The following MTMR2 variants were observed in gnomAD, a reference collection of about 807,000 sequenced individuals.
The protein encoded by MTMR2 is myotubularin related protein 2, also known as phosphatidylinositol-3,5-bisphosphate 3-phosphatase MTMR2.
A neutral mutation model predicts 86.9 loss-of-function variants in MTMR2; 55 were observed. That is an observed-to-expected ratio of 0.63 (90% CI 0.51 to 0.79). The LOEUF (loss-of-function observed/expected upper bound fraction) is 0.79, where lower values mean the gene tolerates loss of function less well. MTMR2 is among the 30% of genes least tolerant of loss of function. MTMR2 has a pLI of 0.00. For synonymous variants in MTMR2, 241 were observed against 266.8 expected (o/e 0.90, Z 0.94); for missense variants, 659 against 772.3 (o/e 0.85, Z 1.74).
intron 7 of MTMR2, among the ~76,000 whole-genome samples, chr11:95,854,050 G>A (rs1864120762): frequency 6.6e-6 from 1 of 152,130 alleles, no homozygotes; most frequent in Non-Finnish European, 1.5e-5. Flanking sequence ...CACGTAAGTA[G>A]CAGGGTGGGG....
intron 10 of MTMR2, among the ~76,000 whole-genome samples, chr11:95,846,146 A>C (rs1863781936): frequency 6.6e-6 from 1 of 152,208 alleles, no homozygotes; most frequent in African/African-American, 2.4e-5. Context: ...CAATGATCCT[A>C]ATTCAGTATC....
intron 7 of MTMR2, 47 bp from the exon 8 acceptor site, chr11:95,850,796 AT>A (rs1219471768): frequency 3.2e-6 from 5 of 1,550,920 alleles, no homozygotes; most frequent in Non-Finnish European, 4.4e-6. Context: ...TAACTAAAAT[AT>A]TAAACGACAC....
intron 2 of MTMR2, among the ~76,000 whole-genome samples, chr11:95,875,764 A>G (rs910787906): frequency 1.3e-5 from 2 of 152,148 alleles, no homozygotes; most frequent in Non-Finnish European, 2.9e-5. Flanking sequence ...ATGGTGACAT[A>G]CAGATGGGGT....
chr11:95,916,654 T>TA (rs11404022), intron 1 of MTMR2, among the ~76,000 whole-genome samples: 26,664 of 145,060 alleles, frequency 0.18, 3,160 homozygotes, highest in African/African-American at 0.34. Context: ...AAGTAGAACT[T>TA]AAAAAAAAAA....
At chr11:95,854,803 A>T (rs1051271026) in intron 7 of MTMR2, among the ~76,000 whole-genome samples, 2 of 148,858 alleles carry the variant, frequency 1.3e-5, no homozygotes, top group Admixed American at 1.3e-4. Context: ...CCATGACTTG[A>T]TATTTTTCCT....
At chr11:95,890,725 T>C (rs1865686672) in intron 1 of MTMR2, among the ~76,000 whole-genome samples, 1 of 152,178 alleles carries the variant, frequency 6.6e-6, no homozygotes, top group Non-Finnish European at 1.5e-5. Context: ...AACAACTCTC[T>C]ACCTCTGGAA....
Position 95,907,682 on chromosome 11 carries a change from C to T in MTMR2, c.80+16193G>A, listed in dbSNP as rs146369156. ...AATCCACAATGATCAAGGAGGCTTTCTCCCCGGGATGCAAGGCTGGTTCAA... is the reference window on the plus strand; with the variant it reads ...AATCCACAATGATCAAGGAGGCTTTTTCCCCGGGATGCAAGGCTGGTTCAA... On this transcript the variant is annotated intron_variant, in intron 1 of 14. Transcript: ENST00000346299. Among the ~76,000 whole-genome samples, 307 of 152,274 alleles carry T rather than the reference C, an allele frequency of 2.0e-3. 4 individuals are homozygous for T. The highest frequency in any genetic ancestry group is 6.9e-3 in the African/African-American group (285 of 41,572).
At chr11:95,889,440 C>T (rs1014252086) in intron 1 of MTMR2, among the ~76,000 whole-genome samples, 3 of 148,312 alleles carry the variant, frequency 2.0e-5, no homozygotes, top group African/African-American at 7.5e-5. Flanking sequence ...GCCAAACTTT[C>T]GATACCTGAT....
intron 1 of MTMR2, among the ~76,000 whole-genome samples, chr11:95,912,479 A>T (rs1166312198): frequency 6.6e-6 from 1 of 151,520 alleles, no homozygotes; most frequent in Non-Finnish European, 1.5e-5. Context: ...TAGAATAAAA[A>T]TGTCTTGAAA....
chr11:95,875,767 G>A (rs562928654), intron 2 of MTMR2, among the ~76,000 whole-genome samples: 1 of 152,268 alleles, frequency 6.6e-6, no homozygotes, highest in South Asian at 2.1e-4. Context: ...GTGACATACA[G>A]ATGGGGTTTT....
chr11:95,855,316 C>T (rs886679137), intron 7 of MTMR2, among the ~76,000 whole-genome samples: 8 of 152,290 alleles, frequency 5.3e-5, no homozygotes, highest in African/African-American at 1.9e-4. Flanking sequence ...AGTGCAGTGG[C>T]ACATTCACAG....
intron 2 of MTMR2, among the ~76,000 whole-genome samples, chr11:95,875,145 C>T (rs1057043483): frequency 8.5e-5 from 13 of 152,140 alleles, no homozygotes; most frequent in African/African-American, 3.1e-4. Flanking sequence ...GTTGGCCTGC[C>T]TTGCTAGATT....
At chr11:95,889,205 G>A (rs1591025864) in intron 1 of MTMR2, among the ~76,000 whole-genome samples, 1 of 151,308 alleles carries the variant, frequency 6.6e-6, no homozygotes, top group South Asian at 2.1e-4. Flanking sequence ...GCGATCTCCG[G>A]TCACTGCAAC....
In MTMR2 at chr11:95,888,041, G is replaced by A. The variant is rs1334663963; in HGVS notation, c.186+115C>T. 32 of 788,336 alleles carry A rather than the reference G, an allele frequency of 4.1e-5. No individual in the cohort carries two copies. In the East Asian group the frequency reaches 6.0e-4, roughly 15 times the overall value. 48.8% of individuals were successfully genotyped at this position (788,336 alleles called of 1,614,324 possible). ...CCTATTCTGGGATATTTTGTAGACCGGGATCTATGAGAATACTCCATCAGT... is the reference window on the plus strand; with the variant it reads ...CCTATTCTGGGATATTTTGTAGACCAGGATCTATGAGAATACTCCATCAGT... On this transcript the variant is annotated intron_variant, in intron 2 of 14. Transcript: ENST00000346299.
chr11:95,859,810 C>A (rs1864342504), intron 5 of MTMR2, among the ~76,000 whole-genome samples: 1 of 152,168 alleles, frequency 6.6e-6, no homozygotes, highest in Non-Finnish European at 1.5e-5. Flanking sequence ...CTACAGTGTA[C>A]CCACAATACA....
chr11:95,871,196 TA>T (rs769454736), intron 2 of MTMR2, among the ~76,000 whole-genome samples: 1 of 152,200 alleles, frequency 6.6e-6, no homozygotes, highest in East Asian at 1.9e-4. Context: ...ACAATAAACA[TA>T]ACGTGTGCAT....
chr11:95,855,300 A>T (rs2135456240), intron 7 of MTMR2, among the ~76,000 whole-genome samples: 1 of 152,124 alleles, frequency 6.6e-6, no homozygotes, highest in South Asian at 2.1e-4. Context: ...CTATTGCCCA[A>T]GCTTGAGTGC....
intron 7 of MTMR2, among the ~76,000 whole-genome samples, chr11:95,854,259 G>C (rs1167397436): frequency 2.0e-5 from 3 of 152,208 alleles, no homozygotes; most frequent in South Asian, 2.1e-4. Context: ...TACTCTCCAA[G>C]CAAAATCACT....
chr11:95,836,964 C>CT (rs1418672948), intron 13 of MTMR2, among the ~76,000 whole-genome samples: 1 of 151,936 alleles, frequency 6.6e-6, no homozygotes, highest in African/African-American at 2.4e-5. Flanking sequence ...CAACTATACA[C>CT]TATCAAAGTG....
Sources: gnomAD v4.1 joint callset for allele counts (sites outside exome capture counted in the v4.1 genomes callset) on GRCh38, gnomAD v4.1.1 for gene constraint, MANE v1.5 for transcripts, NCBI Gene and HGNC (gene_info 2026-07-23, HGNC 2026-07-21) for gene names.